The following ANKRD36C variants were observed in gnomAD, a reference collection of about 807,000 sequenced individuals.
The protein encoded by ANKRD36C is ankyrin repeat domain-containing protein 36C.
A neutral mutation model predicts 276.4 loss-of-function variants in ANKRD36C; 61 were observed. The ratio of observed to expected loss-of-function variants is 0.22; its 90% confidence interval spans 0.18 to 0.27. The LOEUF is 0.27. Ranked by LOEUF, ANKRD36C falls within the 10% of genes least tolerant of loss-of-function variation. The probability of loss-of-function intolerance (pLI) is 1.00; values close to 1 mark genes in which losing one functional copy is unlikely to be tolerated. For missense variants in ANKRD36C, 1,447 were observed against 2,032.3 expected, an observed-to-expected ratio of 0.71 and a Z score of 5.54; for synonymous variants, 483 against 680.1, an observed-to-expected ratio of 0.71 and a Z score of 4.51.
In ANKRD36C at chr2:95,943,412, G is replaced by A. The variant is rs1411414030; in HGVS notation, c.1491+1215C>T. 1.3e-5 allele frequency among the ~76,000 whole-genome samples: 2 copies of A among 151,396 alleles called. 1 individual carries two copies. The highest frequency in any genetic ancestry group is 3.9e-4 in the East Asian group (2 of 5,166). On this transcript the variant is annotated intron_variant, in intron 19 of 66. Coordinates refer to ENST00000456556, the Ensembl canonical transcript of ANKRD36C. ...AGGCAGGAGAATGGCGTGAACCCGG[G>A]AGGTGGAGCTTGCAGTGAGCCGAGA...
intron 17 of ANKRD36C, among the ~76,000 whole-genome samples, chr2:95,948,170 A>G (rs1438067289): frequency 6.6e-6 from 1 of 152,200 alleles, no homozygotes; most frequent in African/African-American, 2.4e-5. Context: ...ATTATTAGTC[A>G]TACTCATATG....
chr2:95,986,201 T>A (rs1180782297), intron 3 of ANKRD36C, among the ~76,000 whole-genome samples: 1 of 152,018 alleles, frequency 6.6e-6, no homozygotes, highest in Non-Finnish European at 1.5e-5. Flanking sequence ...TTTTCCCTCA[T>A]TACCTAATTT....
At chr2:95,931,038 A>G (rs553403442) in intron 24 of ANKRD36C, among the ~76,000 whole-genome samples, 59 of 151,776 alleles carry the variant, frequency 3.9e-4, no homozygotes, top group African/African-American at 1.3e-3. Flanking sequence ...CCAATTTGAC[A>G]TACATTCTTT....
At chr2:95,859,936 A>G (rs1675524077) in exon 61 of ANKRD36C, 2 of 1,550,444 alleles carry the variant, frequency 1.3e-6, no homozygotes, top group African/African-American at 2.7e-5. Context: ...TTTTTCAGAT[A>G]GTCTCTTTTG....
At chr2:95,925,609 T>G in intron 28 of ANKRD36C, 62 bp from the exon 29 acceptor site, 1 of 1,462,628 alleles carries the variant, frequency 6.8e-7, no homozygotes, top group South Asian at 1.3e-5. Context: ...GTCCACACAT[T>G]CATGCAGTGT....
chr2:95,986,061 C>G (rs1679020561), intron 3 of ANKRD36C, among the ~76,000 whole-genome samples: 1 of 152,168 alleles, frequency 6.6e-6, no homozygotes, highest in South Asian at 2.1e-4. Context: ...AAATTGATCC[C>G]TGGGCAATTT....
chr2:95,941,527 A>C (rs1235669063), intron 19 of ANKRD36C, among the ~76,000 whole-genome samples: 3 of 152,198 alleles, frequency 2.0e-5, no homozygotes, highest in Admixed American at 6.5e-5. Context: ...TAGACAAGTG[A>C]AGACTAAGAA....
chr2:95,865,589 G>A (rs1675668174), intron 60 of ANKRD36C, among the ~76,000 whole-genome samples: 1 of 152,098 alleles, frequency 6.6e-6, no homozygotes, highest in South Asian at 2.1e-4. Flanking sequence ...TAGGACCCAA[G>A]TCTAAACACA....
Position 95,891,629 on chromosome 2 carries a change from C to T in ANKRD36C, c.2857+36G>A, listed in dbSNP as rs574679470. On this transcript the variant is annotated intron_variant, in intron 46 of 66. Coordinates refer to ENST00000456556, the Ensembl canonical transcript of ANKRD36C. The stretch of plus-strand genomic sequence containing the variant: ...GGGAAGAGAATTTCTTATCTATCTG[C>T]ACTGAACATGACATTAAATCTCTTT... 35 of 1,538,252 alleles carry T rather than the reference C, an allele frequency of 2.3e-5. No homozygotes were observed. In the East Asian group the frequency reaches 5.6e-4, roughly 25 times the overall value.
chr2:95,888,539 T>C (rs966558680), intron 48 of ANKRD36C, among the ~76,000 whole-genome samples: 3 of 151,704 alleles, frequency 2.0e-5, no homozygotes, highest in Non-Finnish European at 4.4e-5. Flanking sequence ...AAACATTCAT[T>C]GTGCTCTTTA....
At chr2:95,984,114 T>C (rs1028967363) in intron 3 of ANKRD36C, among the ~76,000 whole-genome samples, 6 of 152,066 alleles carry the variant, frequency 3.9e-5, no homozygotes, top group African/African-American at 1.5e-4. Flanking sequence ...TCAACCCGAT[T>C]ACCAAAGGAT....
intron 54 of ANKRD36C, 102 bp from the exon 75 acceptor site, chr2:95,882,599 C>G: frequency 3.6e-6 from 5 of 1,380,366 alleles, no homozygotes; most frequent in Non-Finnish European, 4.9e-6. Context: ...CCTGCCTGTA[C>G]TAGTGTAGGA....
intron 44 of ANKRD36C, chr2:95,894,064 G>A (rs951231395): frequency 5.4e-5 from 19 of 349,268 alleles, no homozygotes; most frequent in Admixed American, 4.4e-4. Flanking sequence ...GAGAATCAAT[G>A]TCAAAGCAGG....
chr2:95,892,691 T>A (rs967153122), intron 44 of ANKRD36C, among the ~76,000 whole-genome samples: 31 of 151,528 alleles, frequency 2.0e-4, no homozygotes, highest in African/African-American at 6.5e-4. Flanking sequence ...GAATCCAGCA[T>A]AATTTTTGTT....
intron 17 of ANKRD36C, among the ~76,000 whole-genome samples, chr2:95,946,156 G>GATAAA (rs1678041594): frequency 1.4e-5 from 1 of 73,304 alleles, no homozygotes; most frequent in Non-Finnish European, 2.6e-5. Flanking sequence ...ACAGAGAGAG[G>GATAAA]AAAAAAAAAA....
intron 38 of ANKRD36C, among the ~76,000 whole-genome samples, chr2:95,915,150 A>T (rs1677054765): frequency 6.6e-6 from 1 of 151,594 alleles, no homozygotes; most frequent in Non-Finnish European, 1.5e-5. Flanking sequence ...TTTGTTTCTA[A>T]AATAGCCTTG....
At chr2:95,857,404 G>C (rs1483968003) in exon 62 of ANKRD36C, 11 of 1,609,638 alleles carry the variant, frequency 6.8e-6, no homozygotes, top group African/African-American at 2.7e-5. Flanking sequence ...ATCCTATATT[G>C]CTCTTCTGTG....
intron 42 of ANKRD36C, among the ~76,000 whole-genome samples, chr2:95,910,900 G>A (rs1189972369): frequency 1.3e-5 from 2 of 151,526 alleles, no homozygotes; most frequent in East Asian, 3.9e-4. Context: ...AGACACCTGA[G>A]AATCAATGTC....
chr2:95,934,479 TTA>T (rs1677658761), intron 24 of ANKRD36C, among the ~76,000 whole-genome samples: 1 of 152,014 alleles, frequency 6.6e-6, no homozygotes, highest in African/African-American at 2.4e-5. Context: ...CCTGAAACCA[TTA>T]TTCTCAGCAA....
Sources: allele counts gnomAD v4.1 joint callset (sites outside exome capture counted in the v4.1 genomes callset), GRCh38; gene constraint gnomAD v4.1.1; transcripts MANE v1.5; gene names NCBI Gene and HGNC (gene_info 2026-07-23, HGNC 2026-07-21).